Variants in MAPK4 observed in about 807,000 individuals in gnomAD.
The protein encoded by MAPK4 is Erk3-related.
Under a neutral mutation model 47.7 loss-of-function variants are expected in MAPK4, and 22 were observed. The ratio of observed to expected loss-of-function variants is 0.46; its 90% CI spans 0.33 to 0.66. The LOEUF is 0.66. MAPK4 is among the 30% of genes least tolerant of loss of function. The probability of loss-of-function intolerance (pLI) is 0.02; values close to 1 mark genes in which losing one functional copy is unlikely to be tolerated. For missense variants in MAPK4, 736 were observed against 831.7 expected, an observed-to-expected ratio of 0.88 and a Z score of 1.42; for synonymous variants, 390 against 365.7, an observed-to-expected ratio of 1.07 and a Z score of -0.76.
intron 1 of MAPK4, among the ~76,000 whole-genome samples, chr18:50,636,224 T>C (rs867277030): frequency 3.3e-5 from 5 of 152,336 alleles, no homozygotes; most frequent in South Asian, 2.1e-4. Flanking sequence ...CTTCAATACG[T>C]GCTCTCGCAA....
intron 1 of MAPK4, among the ~76,000 whole-genome samples, chr18:50,623,262 C>T (rs2042747817): frequency 6.6e-6 from 1 of 152,158 alleles, no homozygotes. Flanking sequence ...AACCTGGTCC[C>T]AGTCAGGTCT....
At chr18:50,725,915 C>A in intron 4 of MAPK4, 47 bp from the exon 5 acceptor site, 2 of 1,487,510 alleles carry the variant, frequency 1.3e-6, no homozygotes, top group South Asian at 1.1e-5. Flanking sequence ...CTTCTGAGCT[C>A]AACAAGGGCA....
chr18:50,621,945 C>T (rs992825184), intron 1 of MAPK4, among the ~76,000 whole-genome samples: 15 of 152,370 alleles, frequency 9.8e-5, no homozygotes, highest in Non-Finnish European at 7.3e-5. Context: ...TGCACTGTGC[C>T]AGGCACAGAA....
intron 2 of MAPK4, among the ~76,000 whole-genome samples, chr18:50,692,603 A>C (rs1029310941): frequency 3.9e-5 from 6 of 152,220 alleles, no homozygotes; most frequent in African/African-American, 1.4e-4. Context: ...AAGAATGCGA[A>C]GTGCTTAGCA....
At chr18:50,597,868 A>G (rs577149293) in intron 1 of MAPK4, among the ~76,000 whole-genome samples, 2 of 152,336 alleles carry the variant, frequency 1.3e-5, no homozygotes, top group African/African-American at 4.8e-5. Context: ...AAGTTAAATG[A>G]GGTATTAAGT....
intron 2 of MAPK4, among the ~76,000 whole-genome samples, chr18:50,680,078 CTTTTTTTTTTTTTTTTT>C (rs138992946): frequency 7.4e-5 from 4 of 54,354 alleles, no homozygotes; most frequent in African/African-American, 1.6e-4. Flanking sequence ...TGCTTTTAAA[CTTTTTTTTTTTTTTTTT>C]TTTTTTTTTT....
intron 1 of MAPK4, among the ~76,000 whole-genome samples, chr18:50,635,236 C>T (rs908007092): frequency 6.6e-6 from 1 of 152,080 alleles, no homozygotes; most frequent in African/African-American, 2.4e-5. Context: ...ACCCAGAGCC[C>T]GTCTCTCTTC....
At chr18:50,712,458 C>T (rs560770115) in intron 2 of MAPK4, among the ~76,000 whole-genome samples, 8 of 151,666 alleles carry the variant, frequency 5.3e-5, no homozygotes, top group African/African-American at 1.9e-4. Context: ...AAAAAATCCA[C>T]TTTATGTTTT....
At chr18:50,623,789 G>T (rs6508016) in intron 1 of MAPK4, among the ~76,000 whole-genome samples, 14 of 152,158 alleles carry the variant, frequency 9.2e-5, no homozygotes, top group Admixed American at 7.9e-4. Flanking sequence ...ACCTCTTACC[G>T]TTTTAACATA....
At position 50,699,160 on chromosome 18, in the gene MAPK4, T is replaced by A. The variant is rs150369656; in HGVS notation, c.547-15919T>A. 7.3e-3 allele frequency among the ~76,000 whole-genome samples: 1,106 copies of A among 152,312 alleles called. 16 individuals are homozygous for A. Among genetic ancestry groups the A allele is most frequent in the African/African-American group, 0.026 (1,068 of 41,568 alleles). On this transcript the variant is annotated intron_variant, in intron 2 of 5. Coordinates refer to ENST00000400384, the MANE Select transcript of MAPK4 (RefSeq NM_002747.4). ...AACAAAGGAGGAAAAAAAGACCCCA[T>A]GATCATCTCAATCGATGCAGAAAAA...
chr18:50,706,446 C>A (rs1403866491), intron 2 of MAPK4, among the ~76,000 whole-genome samples: 1 of 145,538 alleles, frequency 6.9e-6, no homozygotes, highest in Non-Finnish European at 1.5e-5. Context: ...CAGCAGGAGT[C>A]CTGAACGTCA....
At chr18:50,581,327 T>G (rs9945293) in intron 1 of MAPK4, among the ~76,000 whole-genome samples, 409 of 152,294 alleles carry the variant, frequency 2.7e-3, no homozygotes, top group African/African-American at 9.1e-3. Flanking sequence ...AAGCTTGTCT[T>G]GGGCTGAAGG....
intron 3 of MAPK4, among the ~76,000 whole-genome samples, chr18:50,717,310 G>A (rs1910692075): frequency 6.6e-6 from 1 of 152,184 alleles, no homozygotes; most frequent in Admixed American, 6.5e-5. Flanking sequence ...GGGCACGAAA[G>A]CTGGAAGGCC....
chr18:50,728,606 C>A (rs781306733), intron 5 of MAPK4, among the ~76,000 whole-genome samples: 1 of 152,180 alleles, frequency 6.6e-6, no homozygotes, highest in Non-Finnish European at 1.5e-5. Flanking sequence ...ATTTTTAATT[C>A]CCCTATGTGA....
In MAPK4 at chr18:50,678,481, A is replaced by T. The variant is rs1196472586; in HGVS notation, c.546+13977A>T. On this transcript the variant is annotated intron_variant, in intron 2 of 5. Coordinates refer to ENST00000400384, the MANE Select transcript of MAPK4 (RefSeq NM_002747.4). This position sits in a 1 kb window ranked among gnomAD's most constrained non-coding sequence, Gnocchi z 4.2. ...GAGTAGATACTGTCTGGGAGCCGCC[A>T]TCACCCCTCCACCCTGTACAGACTG... 6.6e-6 allele frequency among the ~76,000 whole-genome samples: 1 copy of T among 152,098 alleles called. No homozygotes were observed. Among genetic ancestry groups the T allele is most frequent in the Admixed American group, 6.5e-5 (1 of 15,270 alleles).
At position 50,678,782 on chromosome 18, in the gene MAPK4, C is replaced by T. The variant is rs1908418527; in HGVS notation, c.546+14278C>T. Among the ~76,000 whole-genome samples the T allele has an allele frequency of 6.6e-6, 1 of 152,180 alleles. No individual in the cohort carries two copies. The highest frequency in any genetic ancestry group is 1.5e-5 in the Non-Finnish European group (1 of 68,036). On this transcript the variant is annotated intron_variant, in intron 2 of 5. Coordinates refer to ENST00000400384, the MANE Select transcript of MAPK4 (RefSeq NM_002747.4). This position sits in a 1 kb window ranked among gnomAD's most constrained non-coding sequence, Gnocchi z 4.2. ...TGTCCATCATGCACCTGGCAGGATC[C>T]CCTTGTTTTCTGGGTGAAGGCAGCA...
At chr18:50,680,671 G>A (rs951869989) in intron 2 of MAPK4, among the ~76,000 whole-genome samples, 4 of 152,114 alleles carry the variant, frequency 2.6e-5, no homozygotes, top group Admixed American at 1.3e-4. Context: ...CACATAAGTA[G>A]AGTCACACAA....
chr18:50,635,731 A>G (rs1296712613), intron 1 of MAPK4, among the ~76,000 whole-genome samples: 1 of 152,168 alleles, frequency 6.6e-6, no homozygotes. Flanking sequence ...TGATTATTCA[A>G]CAAGGCCCCT....
chr18:50,665,628 C>T (rs931929271), intron 2 of MAPK4, among the ~76,000 whole-genome samples: 1 of 152,218 alleles, frequency 6.6e-6, no homozygotes, highest in African/African-American at 2.4e-5. Context: ...CTGCCCTCTA[C>T]AGCTGCAGTG....
Sources: gnomAD v4.1 joint callset for allele counts (sites outside exome capture counted in the v4.1 genomes callset) on GRCh38, gnomAD v4.1.1 for gene constraint, Gnocchi (gnomAD v3.1) non-coding constraint, MANE v1.5 for transcripts, NCBI Gene and HGNC (gene_info 2026-07-23, HGNC 2026-07-21) for gene names.